PTHLH: variants seen among roughly 807,000 people sequenced by gnomAD.
The protein encoded by PTHLH is parathyroid hormone like hormone.
A neutral mutation model predicts 18.6 loss-of-function variants in PTHLH; 5 were observed. The observed-to-expected ratio is 0.27, with a 90% CI of 0.14 to 0.56. The LOEUF (loss-of-function observed/expected upper bound fraction) is 0.56, where lower values mean the gene tolerates loss of function less well. PTHLH is among the 20% of genes least tolerant of loss of function. The probability of loss-of-function intolerance (pLI) is 0.92; values close to 1 mark genes in which losing one functional copy is unlikely to be tolerated. For synonymous variants in PTHLH, 90 were observed against 94.0 expected, an observed-to-expected ratio of 0.96 and a Z score of 0.25; for missense variants, 207 against 223.9, an observed-to-expected ratio of 0.92 and a Z score of 0.48.
At chr12:27,960,701 G>A (rs2062745887) in intron 5 of PTHLH, among the ~76,000 whole-genome samples, 1 of 134,082 alleles carries the variant, frequency 7.5e-6, no homozygotes, top group African/African-American at 2.9e-5. Context: ...CTGGGCAACA[G>A]AGCAAGACTC....
At chr12:27,969,607 A>T in intron 3 of PTHLH, 91 bp from the exon 4 acceptor site, 1 of 1,153,604 alleles carries the variant, frequency 8.7e-7, no homozygotes, top group African/African-American at 1.5e-5. Flanking sequence ...CGCTCTCAAA[A>T]AGCCTCTTCA....
intron 4 of PTHLH, among the ~76,000 whole-genome samples, chr12:27,964,507 G>A (rs528817551): frequency 4.9e-4 from 74 of 152,216 alleles, no homozygotes; most frequent in African/African-American, 1.8e-3. Context: ...AAGAGAGGGA[G>A]AGTATGTGTA....
At chr12:27,964,471 CAGAGAG>C (rs10551155) in intron 4 of PTHLH, among the ~76,000 whole-genome samples, 6 of 148,748 alleles carry the variant, frequency 4.0e-5, no homozygotes, top group Admixed American at 6.7e-5. Flanking sequence ...GGCCAATCGT[CAGAGAG>C]AGAGAGAGAG....
chr12:27,967,692 G>A (rs1253530117), intron 4 of PTHLH, among the ~76,000 whole-genome samples: 10 of 152,196 alleles, frequency 6.6e-5, no homozygotes, highest in Non-Finnish European at 1.5e-4. Context: ...CATTAACTAT[G>A]AGAATGTTTT....
chr12:27,962,232 CTAGATAGATAGATAGA>C (rs35742272), intron 5 of PTHLH: 1 of 254,578 alleles, frequency 3.9e-6, no homozygotes. Context: ...ACATACCCCC[CTAGATAGATAGATAGA>C]TAGATAGATA....
At chr12:27,969,968 T>A (rs957835628) in intron 3 of PTHLH, 57 bp downstream of exon 3, 1 of 519,210 alleles carries the variant, frequency 1.9e-6, no homozygotes, top group Non-Finnish European at 3.8e-6. Context: ...CCAGGCCCTT[T>A]CGTTCCAGAG....
At chr12:27,967,707 T>C (rs554526225) in intron 4 of PTHLH, among the ~76,000 whole-genome samples, 2 of 152,374 alleles carry the variant, frequency 1.3e-5, no homozygotes, top group African/African-American at 4.8e-5. Context: ...TGTTTTGTGG[T>C]AGTTTTATAA....
At chr12:27,970,501 C>G (rs1445852621) in intron 2 of PTHLH, among the ~76,000 whole-genome samples, 2 of 151,618 alleles carry the variant, frequency 1.3e-5, no homozygotes, top group Non-Finnish European at 2.9e-5. Flanking sequence ...GTCAGGAGCT[C>G]TGCCGAGCCC....
Position 27,969,382 on chromosome 12 carries a change from T to TG in PTHLH, c.101+11dup. 6 of 1,567,290 alleles carry TG rather than the reference T, an allele frequency of 3.8e-6. No individual in the cohort carries two copies. Among genetic ancestry groups the TG allele is most frequent in the Non-Finnish European group, 5.2e-6 (6 of 1,160,192 alleles). Reference sequence around the variant, plus strand: ...CCCCAACCCGGCGCCCTGGGGAGGATGGGGCACTTACAGGCGGCGGCTGAG... The same window carrying TG: ...CCCCAACCCGGCGCCCTGGGGAGGATGGGGGCACTTACAGGCGGCGGCTGAG... On this transcript the variant is annotated intron_variant, in intron 4 of 5. Transcript: ENST00000545234.
intron 2 of PTHLH, among the ~76,000 whole-genome samples, chr12:27,970,758 C>T (rs2062865127): frequency 6.6e-6 from 1 of 152,122 alleles, no homozygotes; most frequent in African/African-American, 2.4e-5. Flanking sequence ...GGACCGCGGG[C>T]AACCGGGAGC....
At chr12:27,960,288 A>G (rs1300239816) in intron 5 of PTHLH, among the ~76,000 whole-genome samples, 1 of 152,252 alleles carries the variant, frequency 6.6e-6, no homozygotes, top group Non-Finnish European at 1.5e-5. Context: ...CTAACAAATG[A>G]GTCCCACTGT....
rs774116934 is a variant in PTHLH, at chr12:27,969,411, C to T, written c.84G>A (p.Glu28=). 3.8e-6 allele frequency: 6 copies of T among 1,585,216 alleles called. No individual in the cohort carries two copies. The highest frequency in any genetic ancestry group is 5.1e-6 in the Non-Finnish European group (6 of 1,168,666). The change falls in exon 4 of 6, where the codon GAG becomes GAA. Residue 28 remains glutamate (E), a synonymous_variant. Coordinates refer to ENST00000545234, the MANE Select transcript of PTHLH (RefSeq NM_198965.2). ...GCACTTACAGGCGGCGGCTGAGACC[C>T]TCCACCGAGCGCCCGCAGGAGGGCA... The part of the protein sequence containing the change: ...YAVPSCGRSV[E]GLSRRLKRAV...
chr12:27,959,742 T>A (rs2062738534), intron 5 of PTHLH, among the ~76,000 whole-genome samples: 1 of 152,234 alleles, frequency 6.6e-6, no homozygotes, highest in Non-Finnish European at 1.5e-5. Context: ...GTTATTGATC[T>A]CTTCACCAAT....
chr12:27,964,251 TCTCTCTCTCTCTCTCTC>T (rs1161629351), intron 4 of PTHLH, among the ~76,000 whole-genome samples: 55 of 40,234 alleles, frequency 1.4e-3, no homozygotes, highest in African/African-American at 2.5e-3. Context: ...TCTCTCTCTC[TCTCTCTCTCTCTCTCTC>T]CTCTCTCTCT....
intron 5 of PTHLH, among the ~76,000 whole-genome samples, chr12:27,959,392 T>C (rs1288673229): frequency 1.3e-5 from 2 of 152,248 alleles, no homozygotes; most frequent in South Asian, 2.1e-4. Flanking sequence ...ATGTCTGTTT[T>C]ATTATTCTGA....
intron 4 of PTHLH, among the ~76,000 whole-genome samples, chr12:27,968,552 A>G (rs2062837683): frequency 6.6e-6 from 1 of 152,220 alleles, no homozygotes; most frequent in Non-Finnish European, 1.5e-5. Context: ...CCAACAGATT[A>G]TTAAGATCAT....
chr12:27,968,958 T>C (rs1209876579), intron 4 of PTHLH, among the ~76,000 whole-genome samples: 1 of 152,206 alleles, frequency 6.6e-6, no homozygotes, highest in East Asian at 1.9e-4. Flanking sequence ...GTACGGCTTT[T>C]GCTTTTTCAC....
intron 5 of PTHLH, 183 bp from the exon 6 acceptor site, chr12:27,958,751 C>T (rs949280119): frequency 1.1e-5 from 6 of 529,294 alleles, no homozygotes; most frequent in African/African-American, 7.8e-5. Context: ...TCTCCATAAC[C>T]TCTGTTACAG....
intron 2 of PTHLH, among the ~76,000 whole-genome samples, chr12:27,971,680 G>T (rs1591854542): frequency 6.6e-6 from 1 of 151,460 alleles, no homozygotes; most frequent in Non-Finnish European, 1.5e-5. Flanking sequence ...TTGGGTGGGG[G>T]GGCATATTTT....
Sources: allele counts gnomAD v4.1 joint callset (sites outside exome capture counted in the v4.1 genomes callset), GRCh38; gene constraint gnomAD v4.1.1; transcripts MANE v1.5; gene names NCBI Gene and HGNC (gene_info 2026-07-23, HGNC 2026-07-21).